CTIF: variants seen among roughly 807,000 people sequenced by gnomAD.
CTIF encodes CBP80/20-dependent translation initiation factor.
A neutral mutation model predicts 66.0 loss-of-function variants in CTIF; 21 were observed. The observed-to-expected ratio is 0.32, with a 90% CI of 0.23 to 0.46. CTIF has a LOEUF of 0.46. Among genes scored for constraint, CTIF ranks in the 20% least tolerant of loss-of-function variants. The pLI is 1.00. For missense variants in CTIF, 739 were observed against 812.7 expected (o/e 0.91, Z 1.10); for synonymous variants, 345 against 326.4 (o/e 1.06, Z -0.62).
At chr18:48,566,742 G>A (rs1328688853) in intron 1 of CTIF, 2 of 151,814 alleles carry the variant, frequency 1.3e-5, no homozygotes, top group East Asian at 1.9e-4. Context: ...CCCATTTGTT[G>A]TCTCATGGGA....
Position 48,632,831 on chromosome 18 carries a change from G to A in CTIF, c.181-3783G>A, listed in dbSNP as rs1358209531. On this transcript the variant is annotated intron_variant, in intron 2 of 11. Transcript: ENST00000256413. Reference sequence around the variant, plus strand: ...ATTGCTGTTATTTGACATGTCATCTGACCTCTCCTGTGTGGGGACACTCTT... The same window carrying A: ...ATTGCTGTTATTTGACATGTCATCTAACCTCTCCTGTGTGGGGACACTCTT... Among the ~76,000 whole-genome samples the A allele has an allele frequency of 3.3e-5, 5 of 151,890 alleles. No individual in the cohort carries two copies. The East Asian group carries it at 9.7e-4, about 29-fold the overall frequency.
chr18:48,861,840 G>A lies in CTIF; in HGVS notation c.*2281G>A, dbSNP rs946814315. 1 of 152,186 alleles carries A rather than the reference G, an allele frequency of 6.6e-6. No homozygotes were observed. The highest frequency in any genetic ancestry group is 1.5e-5 in the Non-Finnish European group (1 of 68,044). The allele number at this position is 152,186 out of a possible 1,614,324, so 9.4% of individuals were successfully genotyped here. ...CCCCATTGGCTGTTAGGACCAGAGT[G>A]TGAAGAAGAAGTGAAATATAAATAT... On this transcript the variant is annotated 3_prime_UTR_variant, in exon 12 of 12. Coordinates refer to ENST00000256413, the MANE Select transcript of CTIF (RefSeq NM_014772.3).
At chr18:48,766,489 G>A (rs149525334) in intron 9 of CTIF, among the ~76,000 whole-genome samples, 213 of 152,256 alleles carry the variant, frequency 1.4e-3, no homozygotes, top group African/African-American at 4.6e-3. Flanking sequence ...TCTCAGCCTC[G>A]CTATGCATGA....
chr18:48,681,042 GC>G (rs947201520), intron 6 of CTIF, among the ~76,000 whole-genome samples: 2 of 152,166 alleles, frequency 1.3e-5, no homozygotes, highest in Admixed American at 6.5e-5. Context: ...CCGGCAGGCG[GC>G]CCCCCCAGGA....
chr18:48,734,986 TA>T (rs2092487646), intron 7 of CTIF, among the ~76,000 whole-genome samples: 1 of 152,236 alleles, frequency 6.6e-6, no homozygotes, highest in South Asian at 2.1e-4. Context: ...TATATGCATT[TA>T]TATGCACACA....
At chr18:48,578,841 G>C (rs1030414009) in intron 1 of CTIF, among the ~76,000 whole-genome samples, 7 of 152,088 alleles carry the variant, frequency 4.6e-5, no homozygotes, top group African/African-American at 1.7e-4. Context: ...TTTAATTTTG[G>C]TGAAGTGCAA....
intron 3 of CTIF, among the ~76,000 whole-genome samples, chr18:48,639,849 G>T (rs1026534264): frequency 2.6e-5 from 4 of 152,122 alleles, no homozygotes; most frequent in Admixed American, 2.6e-4. Flanking sequence ...CCATGCATCT[G>T]CCCGTGGGGA....
chr18:48,692,719 C>G (rs188226352), intron 6 of CTIF: 1 of 152,344 alleles, frequency 6.6e-6, no homozygotes, highest in Admixed American at 6.5e-5. Flanking sequence ...GTAGCGGAAC[C>G]CTACAACAAT....
chr18:48,813,315 CAT>C (rs995607489), intron 9 of CTIF, among the ~76,000 whole-genome samples: 3 of 152,244 alleles, frequency 2.0e-5, no homozygotes, highest in African/African-American at 4.8e-5. Flanking sequence ...TACAAGCCCA[CAT>C]GTTTTGCACT....
At chr18:48,678,558 C>G (rs905862317) in intron 6 of CTIF, among the ~76,000 whole-genome samples, 2 of 150,384 alleles carry the variant, frequency 1.3e-5, no homozygotes, top group Non-Finnish European at 2.9e-5. Flanking sequence ...CTCTGTGAGG[C>G]GAGCCTATTT....
At chr18:48,544,607 C>T (rs2088701677) in intron 1 of CTIF, among the ~76,000 whole-genome samples, 1 of 152,186 alleles carries the variant, frequency 6.6e-6, no homozygotes, top group African/African-American at 2.4e-5. Flanking sequence ...ACCATAGCAA[C>T]GATCTGTAGA....
At chr18:48,785,417 C>G (rs1288766671) in intron 9 of CTIF, among the ~76,000 whole-genome samples, 1 of 152,212 alleles carries the variant, frequency 6.6e-6, no homozygotes, top group Non-Finnish European at 1.5e-5. Flanking sequence ...CTGCGGCCTG[C>G]ACTGCTGGAG....
intron 10 of CTIF, among the ~76,000 whole-genome samples, chr18:48,846,015 A>G (rs1463942370): frequency 6.6e-6 from 1 of 152,198 alleles, no homozygotes; most frequent in African/African-American, 2.4e-5. Context: ...GCTATGCAAG[A>G]TAGGATCTTT....
intron 7 of CTIF, among the ~76,000 whole-genome samples, chr18:48,740,718 T>A (rs1347883545): frequency 2.0e-5 from 3 of 152,188 alleles, no homozygotes; most frequent in Non-Finnish European, 2.9e-5. Flanking sequence ...TTCTTTTGTG[T>A]CCCCAGGGAG....
intron 11 of CTIF, among the ~76,000 whole-genome samples, chr18:48,858,466 G>T (rs1042398170): frequency 2.0e-4 from 18 of 89,036 alleles, no homozygotes; most frequent in African/African-American, 1.9e-3. Context: ...GTTAGGAATA[G>T]CTCTCAGAGA....
chr18:48,693,390 C>A (rs2091960900), intron 6 of CTIF, among the ~76,000 whole-genome samples: 1 of 152,214 alleles, frequency 6.6e-6, no homozygotes, highest in Admixed American at 6.5e-5. Context: ...GAGCTTTTAA[C>A]ATCTTTGATG....
rs916265752 is a variant in CTIF at position 48,849,060 on chromosome 18, C to T, written c.1528-8528C>T. ...TCTGATGAGTGGGCTGCTCCTCCCCCGACCCCAGGGCCTCTGACCCCCAGG... is the reference window on the plus strand; with the variant it reads ...TCTGATGAGTGGGCTGCTCCTCCCCTGACCCCAGGGCCTCTGACCCCCAGG... On this transcript the variant is annotated intron_variant, in intron 10 of 11. Coordinates refer to ENST00000256413, the MANE Select transcript of CTIF (RefSeq NM_014772.3). Among the ~76,000 whole-genome samples, 7 of 152,192 alleles carry T rather than the reference C, an allele frequency of 4.6e-5. No individual in the cohort carries two copies. The East Asian group carries it at 9.6e-4, about 21-fold the overall frequency.
At chr18:48,648,479 A>ACACACACG (rs1408965415) in intron 3 of CTIF, among the ~76,000 whole-genome samples, 2 of 150,754 alleles carry the variant, frequency 1.3e-5, no homozygotes, top group Non-Finnish European at 3.0e-5. Flanking sequence ...ACACACACAC[A>ACACACACG]CACACACACG....
chr18:48,823,907 G>T (rs1020664718), intron 10 of CTIF, among the ~76,000 whole-genome samples: 2 of 151,738 alleles, frequency 1.3e-5, no homozygotes, highest in African/African-American at 2.4e-5. Context: ...ATCCAAATCT[G>T]AAAGGAAGAC....
Sources: allele counts gnomAD v4.1 joint callset (sites outside exome capture counted in the v4.1 genomes callset), GRCh38; gene constraint gnomAD v4.1.1; transcripts MANE v1.5; gene names NCBI Gene and HGNC (gene_info 2026-07-23, HGNC 2026-07-21).